Variants in DPP6 observed in about 807,000 individuals in gnomAD.
The protein encoded by DPP6 is dipeptidyl peptidase like 6, also known as A-type potassium channel modulatory protein DPP6.
Under a neutral mutation model 122.6 loss-of-function variants are expected in DPP6, and 69 were observed. The observed-to-expected ratio is 0.56, with a 90% confidence interval of 0.46 to 0.69. The LOEUF (loss-of-function observed/expected upper bound fraction) is 0.69, where lower values mean the gene tolerates loss of function less well. Among genes scored for constraint, DPP6 ranks in the 30% least tolerant of loss-of-function variants. The probability of loss-of-function intolerance (pLI) is 0.00; values close to 1 mark genes in which losing one functional copy is unlikely to be tolerated. For missense variants in DPP6, 928 were observed against 1,116.9 expected, an observed-to-expected ratio of 0.83 and a Z score of 2.41; for synonymous variants, 418 against 433.1, an observed-to-expected ratio of 0.97 and a Z score of 0.43.
intron 5 of DPP6, among the ~76,000 whole-genome samples, chr7:154,619,169 G>T (rs540182728): frequency 6.6e-6 from 1 of 152,062 alleles, no homozygotes; most frequent in Admixed American, 6.5e-5. Flanking sequence ...TAAATTACCC[G>T]GTCTCAGGTA....
chr7:154,476,704 T>G (rs1375886688), intron 3 of DPP6, among the ~76,000 whole-genome samples: 1 of 152,192 alleles, frequency 6.6e-6, no homozygotes, highest in Non-Finnish European at 1.5e-5. Flanking sequence ...TCTAGAATGT[T>G]AGTCTTGCTA....
intron 10 of DPP6, among the ~76,000 whole-genome samples, chr7:154,780,790 T>C (rs557265064): frequency 6.6e-6 from 1 of 152,198 alleles, no homozygotes; most frequent in African/African-American, 2.4e-5. Flanking sequence ...CATTGAGGCA[T>C]GAGCAAATAT....
intron 1 of DPP6, among the ~76,000 whole-genome samples, chr7:153,906,858 T>C (rs929165780): frequency 1.3e-5 from 2 of 152,230 alleles, no homozygotes; most frequent in Admixed American, 6.5e-5. Flanking sequence ...GGCCGAGTAG[T>C]ATTCCATCGT....
rs1471978322 is a variant in DPP6, at chr7:154,327,741, G to A, written c.244-118473G>A. Among the ~76,000 whole-genome samples, 4 of 152,150 alleles carry A rather than the reference G, an allele frequency of 2.6e-5. No individual in the cohort carries two copies. In the South Asian group the frequency reaches 6.2e-4, roughly 24 times the overall value. On this transcript the variant is annotated intron_variant, in intron 1 of 25. Coordinates refer to ENST00000377770, the MANE Select transcript of DPP6 (RefSeq NM_130797.4). Reference sequence around the variant, plus strand: ...AAAAGAAATAATGGGATATAAAAATGTATGGGACACATTCTTTCCTCTATT... The same window carrying A: ...AAAAGAAATAATGGGATATAAAAATATATGGGACACATTCTTTCCTCTATT...
At position 154,618,632 on chromosome 7, in the gene DPP6, G is replaced by A. The variant is rs73727317; in HGVS notation, c.628-19189G>A. ...GCCACGCACAGGATCGCTAGAAGCC[G>A]GGGCCACAGCCCAGCTTCCACCCTC... On this transcript the variant is annotated intron_variant, in intron 5 of 25. Transcript: ENST00000377770. This position sits in a 1 kb window ranked among gnomAD's most constrained non-coding sequence, Gnocchi z 4.1. Among the ~76,000 whole-genome samples, 998 of 152,274 alleles carry A rather than the reference G, an allele frequency of 6.6e-3. 10 individuals carry two copies. The highest frequency in any genetic ancestry group is 0.022 in the African/African-American group (931 of 41,550).
Position 154,063,436 on chromosome 7 carries a change from G to T in DPP6, c.243+10373G>T, listed in dbSNP as rs550154649. Among the ~76,000 whole-genome samples the T allele has an allele frequency of 3.5e-5, 4 of 113,036 alleles. 1 individual carries two copies. Among genetic ancestry groups the T allele is most frequent in the Non-Finnish European group, 7.5e-5 (4 of 53,514 alleles). 74.2% of individuals were successfully genotyped at this position (113,036 alleles called of 152,430 possible). ...GCCCCTGGCTGTTGGTACCCCCATC[G>T]CAAGGGGGGGAGGCACCTCCCGCGA... On this transcript the variant is annotated intron_variant, in intron 1 of 25. Transcript: ENST00000377770.
chr7:154,031,875 TTTG>T (rs201548914), intron 1 of DPP6, among the ~76,000 whole-genome samples: 39,959 of 141,860 alleles, frequency 0.28, 5,167 homozygotes, highest in African/African-American at 0.36. Flanking sequence ...TTTTTTTTTT[TTTG>T]GGGGACGGGG....
At chr7:154,646,035 A>AAAAAAAG (rs1836452471) in intron 6 of DPP6, among the ~76,000 whole-genome samples, 1 of 150,258 alleles carries the variant, frequency 6.7e-6, no homozygotes, top group Non-Finnish European at 1.5e-5. Context: ...CTCAAAAAAA[A>AAAAAAAG]AAAAAAAAAA....
intron 1 of DPP6, among the ~76,000 whole-genome samples, chr7:154,433,184 T>C (rs191236093): frequency 0.01 from 1,346 of 129,694 alleles, 27 homozygotes; most frequent in African/African-American, 0.037. Context: ...CTCACTCTGT[T>C]GCCCAGGCTG....
chr7:154,162,638 C>T (rs1797040363), intron 1 of DPP6, among the ~76,000 whole-genome samples: 1 of 151,794 alleles, frequency 6.6e-6, no homozygotes, highest in Non-Finnish European at 1.5e-5. Context: ...CTGGAATCTG[C>T]ATTGCTAACA....
chr7:153,953,013 A>G (rs1345995375), intron 1 of DPP6, among the ~76,000 whole-genome samples: 1 of 152,200 alleles, frequency 6.6e-6, no homozygotes, highest in Non-Finnish European at 1.5e-5. Context: ...CAATCTTATA[A>G]TGTGGCAGAG....
At chr7:154,557,303 C>T (rs932902027) in intron 4 of DPP6, among the ~76,000 whole-genome samples, 8 of 152,150 alleles carry the variant, frequency 5.3e-5, no homozygotes, top group Admixed American at 1.3e-4. Flanking sequence ...AACAAATTCT[C>T]ACTGTCTCCG....
intron 1 of DPP6, among the ~76,000 whole-genome samples, chr7:154,184,494 T>C (rs547497364): frequency 1.3e-5 from 2 of 152,012 alleles, no homozygotes; most frequent in African/African-American, 4.8e-5. Flanking sequence ...ATCACGTTGC[T>C]TCCGACACTG....
chr7:154,638,007 G>C, intron 6 of DPP6, 134 bp downstream of exon 6: 1 of 933,990 alleles, frequency 1.1e-6, no homozygotes, highest in South Asian at 1.6e-5. Context: ...CTGGTATCGT[G>C]GCACCTCTGG....
At chr7:154,891,798 C>A (rs1033563800) in intron 25 of DPP6, among the ~76,000 whole-genome samples, 1 of 152,136 alleles carries the variant, frequency 6.6e-6, no homozygotes, top group Admixed American at 6.5e-5. Flanking sequence ...GTTGGCCAGG[C>A]TGGTCTCGAA....
the DPP6 span, among the ~76,000 whole-genome samples, chr7:153,800,692 T>G: frequency 6.6e-6 from 1 of 152,208 alleles, no homozygotes; most frequent in African/African-American, 2.4e-5. Flanking sequence ...AATTTTTGTA[T>G]TTTTAGTAGA....
intron 1 of DPP6, among the ~76,000 whole-genome samples, chr7:154,255,852 C>G (rs1258056790): frequency 6.6e-6 from 1 of 152,130 alleles, no homozygotes; most frequent in Non-Finnish European, 1.5e-5. Flanking sequence ...CTTAGAAGAC[C>G]TGGTTACTAT....
At chr7:154,766,913 C>A (rs73728227) in intron 8 of DPP6, among the ~76,000 whole-genome samples, 2,394 of 152,278 alleles carry the variant, frequency 0.016, 63 homozygotes, top group African/African-American at 0.054. Flanking sequence ...CCCTTGCCCC[C>A]CCTTGCCTAG....
chr7:154,408,577 A>T lies in DPP6; in HGVS notation c.244-37637A>T, dbSNP rs114107924. ...TTAACATTTTACTTTTCTGTGGCAC[A>T]TTAGTCAAAACTAAGAAACTGGCAT... On this transcript the variant is annotated intron_variant, in intron 1 of 25. Transcript: ENST00000377770. Among the ~76,000 whole-genome samples the T allele has an allele frequency of 6.3e-3, 961 of 152,304 alleles. 8 individuals are homozygous for T. The highest frequency in any genetic ancestry group is 0.022 in the African/African-American group (898 of 41,556).
Sources: allele counts gnomAD v4.1 joint callset (sites outside exome capture counted in the v4.1 genomes callset), GRCh38; gene constraint gnomAD v4.1.1; non-coding constraint Gnocchi (gnomAD v3.1); transcripts MANE v1.5; gene names NCBI Gene and HGNC (gene_info 2026-07-23, HGNC 2026-07-21).